TEKTIP1: variants seen among roughly 807,000 people sequenced by gnomAD.
The protein encoded by TEKTIP1 is tektin bundle interacting protein 1, also known as tektin bundle-interacting protein 1.
chr19:3,543,316 A>G, the TEKTIP1 span: 6 of 1,549,158 alleles, frequency 3.9e-6, no homozygotes, highest in African/African-American at 8.2e-5. Context: ...CGCCCATGGG[A>G]CGGGACGCAG....
the TEKTIP1 span, chr19:3,543,241 C>T: frequency 6.5e-7 from 1 of 1,544,320 alleles, no homozygotes; most frequent in Non-Finnish European, 8.7e-7. Flanking sequence ...TCAGCGATGA[C>T]TACCTGTCCC....
the TEKTIP1 span, among the ~76,000 whole-genome samples, chr19:3,541,394 C>G: frequency 6.6e-6 from 1 of 151,578 alleles, no homozygotes; most frequent in African/African-American, 2.4e-5. Context: ...ATGATCTCAG[C>G]TCACTGCAAC....
the TEKTIP1 span, chr19:3,539,328 C>T: frequency 1.1e-6 from 1 of 871,296 alleles, no homozygotes; most frequent in South Asian, 1.4e-5. Flanking sequence ...TGTCAGGTTA[C>T]ATGGTGTTTG....
At chr19:3,543,683 G>A in the TEKTIP1 span, 3 of 1,533,178 alleles carry the variant, frequency 2.0e-6, no homozygotes, top group South Asian at 1.2e-5. Context: ...GGAATACGGT[G>A]AGGCTAGGTG....
the TEKTIP1 span, chr19:3,543,379 G>C: frequency 1.3e-6 from 2 of 1,549,080 alleles, no homozygotes; most frequent in African/African-American, 1.4e-5. Context: ...GGGAAGCCTG[G>C]TACAACCTGC....
chr19:3,541,333 C>CA, the TEKTIP1 span, among the ~76,000 whole-genome samples: 196 of 142,024 alleles, frequency 1.4e-3, no homozygotes, highest in South Asian at 2.5e-3. Context: ...AAGACTGTCT[C>CA]AAAAAAAAAA....
the TEKTIP1 span, chr19:3,543,207 T>TACTGAGC: frequency 2.6e-6 from 4 of 1,535,276 alleles, no homozygotes; most frequent in African/African-American, 2.7e-5. Context: ...AGACATGGGC[T>TACTGAGC]CAGTCTCTGC....
chr19:3,543,992 C>T, the TEKTIP1 span: 1 of 1,544,602 alleles, frequency 6.5e-7, no homozygotes, highest in East Asian at 2.5e-5. Context: ...CGCCTTCCCT[C>T]ACACCCACTC....
the TEKTIP1 span, chr19:3,541,654 G>A: frequency 1.0e-6 from 1 of 985,180 alleles, no homozygotes; most frequent in Non-Finnish European, 1.2e-6. Context: ...AAAAAATGGA[G>A]ATGCAGTGAA....
At chr19:3,543,962 C>T in the TEKTIP1 span, 7 of 1,550,478 alleles carry the variant, frequency 4.5e-6, no homozygotes, top group Non-Finnish European at 6.1e-6. Context: ...CATACTGCCC[C>T]TCCACCTGCC....
the TEKTIP1 span, chr19:3,542,033 C>T: frequency 1.5e-6 from 1 of 645,950 alleles, no homozygotes. Context: ...TGGTCTCGAA[C>T]TCCTGACCTC....
chr19:3,541,351 C>T, the TEKTIP1 span, among the ~76,000 whole-genome samples: 1 of 151,412 alleles, frequency 6.6e-6, no homozygotes, highest in Non-Finnish European at 1.5e-5. Context: ...AAAAGAGGGT[C>T]TCGCTCGGTT....
At chr19:3,540,266 T>G in the TEKTIP1 span, among the ~76,000 whole-genome samples, 9 of 118,090 alleles carry the variant, frequency 7.6e-5, no homozygotes, top group East Asian at 4.1e-4. Flanking sequence ...CTAATTTTTG[T>G]TTTTTTTTTT....
At chr19:3,542,293 C>G in the TEKTIP1 span, 16 of 985,228 alleles carry the variant, frequency 1.6e-5, no homozygotes, top group Non-Finnish European at 1.9e-5. Context: ...ACCTGGGAGT[C>G]TAGTCAGGAT....
At chr19:3,542,864 G>C in the TEKTIP1 span, 23 of 1,388,986 alleles carry the variant, frequency 1.7e-5, no homozygotes, top group Non-Finnish European at 2.0e-5. Context: ...CAGGCCAGGG[G>C]GGCTTCCCAG....
chr19:3,543,982 C>T, the TEKTIP1 span: 14,945 of 1,547,682 alleles, frequency 9.7e-3, 92 homozygotes, highest in Non-Finnish European at 0.012. Context: ...CAGCGGTCCC[C>T]GCCTTCCCTC....
chr19:3,542,049 A>T, the TEKTIP1 span: 3 of 760,714 alleles, frequency 3.9e-6, no homozygotes, highest in South Asian at 1.8e-4. Flanking sequence ...ACCTCAGGTG[A>T]TCTACCCACC....
the TEKTIP1 span, chr19:3,542,264 A>G: frequency 1.0e-6 from 1 of 985,082 alleles, no homozygotes; most frequent in African/African-American, 1.8e-5. Flanking sequence ...TGACCAGGCT[A>G]CTCCCATGTT....
the TEKTIP1 span, among the ~76,000 whole-genome samples, chr19:3,541,381 G>C: frequency 1.3e-5 from 2 of 150,830 alleles, no homozygotes; most frequent in African/African-American, 4.9e-5. Flanking sequence ...GGAGTGCAGT[G>C]GAATGATCTC....
Sources: gnomAD v4.1 joint callset for allele counts (sites outside exome capture counted in the v4.1 genomes callset) on GRCh38, gnomAD v4.1.1 for gene constraint, MANE v1.5 for transcripts, NCBI Gene and HGNC (gene_info 2026-07-23, HGNC 2026-07-21) for gene names.